The following STK3 variants were observed in gnomAD, a reference collection of about 807,000 sequenced individuals.
The protein encoded by STK3 is serine/threonine kinase 3, also known as serine/threonine-protein kinase 3.
STK3 carries 41 observed loss-of-function variants against 58.0 expected under a neutral mutation model. The observed-to-expected ratio is 0.71, with a 90% CI of 0.55 to 0.92. STK3 has a LOEUF of 0.92. STK3 is among the 40% of genes least tolerant of loss of function. The probability of loss-of-function intolerance (pLI) is 0.00; values close to 1 mark genes in which losing one functional copy is unlikely to be tolerated. For missense variants in STK3, 479 were observed against 602.7 expected (o/e 0.79, Z 2.15); for synonymous variants, 170 against 191.0 (o/e 0.89, Z 0.91).
chr8:98,663,398 T>G (rs1226452522), intron 6 of STK3, among the ~76,000 whole-genome samples: 2 of 152,094 alleles, frequency 1.3e-5, no homozygotes, highest in Non-Finnish European at 2.9e-5. Flanking sequence ...TGTGGAGAAA[T>G]AGGAACACTT....
upstream of STK3, among the ~76,000 whole-genome samples, chr8:98,389,134 T>A (rs1303157922): frequency 6.6e-6 from 1 of 152,232 alleles, no homozygotes; most frequent in East Asian, 1.9e-4. Flanking sequence ...TTCCCCTTAC[T>A]CAGAATATTC....
intron 7 of STK3, among the ~76,000 whole-genome samples, chr8:98,587,626 G>C (rs1238854781): frequency 6.6e-6 from 1 of 152,088 alleles, no homozygotes; most frequent in Non-Finnish European, 1.5e-5. Flanking sequence ...GCTTGGTGCA[G>C]AGCTGAGTTC....
chr8:98,730,182 C>T (rs1828074906), intron 4 of STK3, among the ~76,000 whole-genome samples: 1 of 152,138 alleles, frequency 6.6e-6, no homozygotes, highest in Admixed American at 6.5e-5. Flanking sequence ...TTAATGTGCC[C>T]TTACACTGGT....
intron 3 of STK3, among the ~76,000 whole-genome samples, chr8:98,864,038 T>C (rs890149099): frequency 4.0e-5 from 6 of 150,690 alleles, no homozygotes; most frequent in Non-Finnish European, 7.4e-5. Context: ...CTACTAAAAA[T>C]ACAAAAAAAA....
At chr8:98,527,889 AC>A (rs1475563785) in intron 9 of STK3, among the ~76,000 whole-genome samples, 1 of 152,190 alleles carries the variant, frequency 6.6e-6, no homozygotes, top group Non-Finnish European at 1.5e-5. Context: ...CAATTAATTT[AC>A]CAGTTCTAAA....
intron 1 of STK3, among the ~76,000 whole-genome samples, chr8:98,940,837 C>T (rs1428733876): frequency 1.3e-5 from 2 of 152,252 alleles, no homozygotes; most frequent in Non-Finnish European, 2.9e-5. Context: ...CAGAAACCCA[C>T]CAGGAGAAAA....
chr8:98,392,986 C>T (rs568234302), upstream of STK3, among the ~76,000 whole-genome samples: 5 of 152,318 alleles, frequency 3.3e-5, no homozygotes, highest in South Asian at 4.1e-4. Flanking sequence ...CTCCCTCTCT[C>T]GCTTAGTGAC....
intron 6 of STK3, among the ~76,000 whole-genome samples, chr8:98,613,446 T>G (rs933459421): frequency 6.6e-6 from 1 of 152,242 alleles, no homozygotes; most frequent in African/African-American, 2.4e-5. Context: ...AAAAAATGCT[T>G]CAATGAACAA....
At chr8:98,574,895 C>T (rs1206229785) in intron 8 of STK3, among the ~76,000 whole-genome samples, 1 of 152,148 alleles carries the variant, frequency 6.6e-6, no homozygotes, top group Non-Finnish European at 1.5e-5. Flanking sequence ...ATTTGCTTGG[C>T]TGGATTCCAA....
intron 3 of STK3, chr8:98,875,609 C>A (rs760215439): frequency 6.6e-6 from 1 of 152,132 alleles, no homozygotes; most frequent in Non-Finnish European, 1.5e-5. Context: ...GTTAAGAAAT[C>A]CAGGTTTCAG....
intron 10 of STK3, among the ~76,000 whole-genome samples, chr8:98,477,738 G>GAAGGC (rs1274102586): frequency 1.3e-5 from 1 of 78,256 alleles, no homozygotes; most frequent in African/African-American, 4.8e-5. Flanking sequence ...GGGCCCTAAT[G>GAAGGC]AAGGCAAGGG....
intron 9 of STK3, among the ~76,000 whole-genome samples, chr8:98,528,363 GT>G (rs1466950458): frequency 1.3e-5 from 2 of 152,032 alleles, no homozygotes; most frequent in Admixed American, 1.3e-4. Flanking sequence ...GGCTATATTG[GT>G]CTTGATCAGT....
At chr8:98,853,860 C>T (rs991678171) in intron 3 of STK3, among the ~76,000 whole-genome samples, 1 of 152,180 alleles carries the variant, frequency 6.6e-6, no homozygotes, top group African/African-American at 2.4e-5. Flanking sequence ...TTATAATGCT[C>T]ATAAAGAAAG....
At chr8:98,860,629 A>G (rs1372429354) in intron 3 of STK3, among the ~76,000 whole-genome samples, 1 of 152,210 alleles carries the variant, frequency 6.6e-6, no homozygotes, top group Non-Finnish European at 1.5e-5. Context: ...AAAGGAGATC[A>G]ATTTTTTTTA....
At chr8:98,678,360 T>C (rs1326781638) in intron 6 of STK3, among the ~76,000 whole-genome samples, 1 of 152,098 alleles carries the variant, frequency 6.6e-6, no homozygotes, top group Non-Finnish European at 1.5e-5. Context: ...TTAAAACTTA[T>C]CATCAGAATA....
At chr8:98,645,695 TG>T (rs1248222778) in intron 6 of STK3, among the ~76,000 whole-genome samples, 1 of 152,158 alleles carries the variant, frequency 6.6e-6, no homozygotes, top group Non-Finnish European at 1.5e-5. Context: ...CAGTAAACAC[TG>T]ATTGAATAGA....
At chr8:98,361,828 C>T in the STK3 span, among the ~76,000 whole-genome samples, 1 of 152,178 alleles carries the variant, frequency 6.6e-6, no homozygotes, top group East Asian at 1.9e-4. Context: ...CAGGGACAGG[C>T]CTTCAACATG....
In STK3 at chr8:98,893,486, GAGAAAGAAAGAAAGAAAGAA is replaced by G. The variant is rs570277403; in HGVS notation, c.-78-9672_-78-9653del. 4.0e-4 allele frequency among the ~76,000 whole-genome samples: 17 copies of G among 43,036 alleles called. 1 individual carries two copies. The highest frequency in any genetic ancestry group is 1.8e-3 in the South Asian group (2 of 1,110). 28.2% of individuals were successfully genotyped at this position (43,036 alleles called of 152,430 possible). ...AGAAAGAAAGAAAGAAAGAAAGAAA[GAGAAAGAAAGAAAGAAAGAA>G]AGAAAGAAAGAAAGAAAGAAAGAAA... On this transcript the variant is annotated intron_variant, in intron 1 of 1. Transcript: ENST00000519420.
intron 1 of STK3, among the ~76,000 whole-genome samples, chr8:98,441,471 G>T (rs542644655): frequency 6.6e-6 from 1 of 152,194 alleles, no homozygotes; most frequent in East Asian, 1.9e-4. Flanking sequence ...TTTGGGCCTG[G>T]GTACCTTTTC....
Sources: allele counts gnomAD v4.1 joint callset (sites outside exome capture counted in the v4.1 genomes callset), GRCh38; gene constraint gnomAD v4.1.1; transcripts MANE v1.5; gene names NCBI Gene and HGNC (gene_info 2026-07-23, HGNC 2026-07-21).